The following RORA variants were observed in gnomAD, a reference collection of about 807,000 sequenced individuals.
RORA encodes the protein nuclear receptor ROR-alpha.
Under a neutral mutation model 69.5 loss-of-function variants are expected in RORA, and 7 were observed. The observed-to-expected ratio is 0.10, with a 90% CI of 0.06 to 0.19. The LOEUF is 0.19. Ranked by LOEUF, RORA falls within the 10% of genes least tolerant of loss-of-function variation. The pLI is 1.00. For synonymous variants in RORA, 261 were observed against 240.8 expected, an observed-to-expected ratio of 1.08 and a Z score of -0.78; for missense variants, 457 against 663.0, an observed-to-expected ratio of 0.69 and a Z score of 3.41.
intron 1 of RORA, among the ~76,000 whole-genome samples, chr15:60,964,584 G>A (rs1893499230): frequency 6.6e-6 from 1 of 152,186 alleles, no homozygotes; most frequent in African/African-American, 2.4e-5. Flanking sequence ...AAATACTCCA[G>A]GGCCCTGGGG....
At chr15:61,216,036 A>G (rs1437523030) in intron 1 of RORA, among the ~76,000 whole-genome samples, 2 of 152,226 alleles carry the variant, frequency 1.3e-5, no homozygotes, top group Admixed American at 1.3e-4. Context: ...TATCAAAACT[A>G]AAACATTTCA....
At chr15:61,029,506 T>A (rs1169949189) in intron 1 of RORA, among the ~76,000 whole-genome samples, 1 of 152,116 alleles carries the variant, frequency 6.6e-6, no homozygotes, top group East Asian at 1.9e-4. Context: ...AAAAGATCAT[T>A]CTGGCTAAAG....
At chr15:61,132,161 T>C (rs1030372018) in intron 1 of RORA, among the ~76,000 whole-genome samples, 5 of 152,244 alleles carry the variant, frequency 3.3e-5, no homozygotes, top group Non-Finnish European at 2.9e-5. Context: ...ATGCATGTAA[T>C]CTAGGGGTTT....
chr15:60,714,819 G>T (rs1409154387), intron 1 of RORA, among the ~76,000 whole-genome samples: 1 of 152,096 alleles, frequency 6.6e-6, no homozygotes, highest in Non-Finnish European at 1.5e-5. Flanking sequence ...TTGAAATGTG[G>T]TCTATAAATT....
chr15:61,052,499 C>T (rs897226440), intron 1 of RORA, among the ~76,000 whole-genome samples: 6 of 152,150 alleles, frequency 3.9e-5, no homozygotes, highest in Middle Eastern at 6.8e-3. Context: ...ATGTGTTTTC[C>T]GTAAGAAAGG....
At chr15:61,180,949 T>C (rs1379225897) in intron 1 of RORA, among the ~76,000 whole-genome samples, 2 of 151,832 alleles carry the variant, frequency 1.3e-5, no homozygotes, top group African/African-American at 4.8e-5. Context: ...ACTAAAAATA[T>C]AAAAATTATC....
chr15:60,574,342 A>T (rs1277403816), intron 2 of RORA, among the ~76,000 whole-genome samples: 2 of 152,230 alleles, frequency 1.3e-5, no homozygotes, highest in Non-Finnish European at 2.9e-5. Flanking sequence ...GGCTTAGAAC[A>T]TATATTACTG....
At chr15:60,928,082 T>C (rs1595822387) in intron 1 of RORA, among the ~76,000 whole-genome samples, 1 of 152,112 alleles carries the variant, frequency 6.6e-6, no homozygotes, top group Non-Finnish European at 1.5e-5. Flanking sequence ...CAGGTCACAT[T>C]CCCTGGCACT....
chr15:60,831,764 T>C (rs1273983894), intron 1 of RORA, among the ~76,000 whole-genome samples: 1 of 152,188 alleles, frequency 6.6e-6, no homozygotes, highest in Non-Finnish European at 1.5e-5. Context: ...TTAGTGTCTG[T>C]GTCTGGCCAA....
chr15:61,055,683 A>G (rs873962), intron 1 of RORA, among the ~76,000 whole-genome samples: 81,947 of 152,166 alleles, frequency 0.54, 24,352 homozygotes, highest in Middle Eastern at 0.68. Flanking sequence ...AAATGTGATC[A>G]TCCTGAACTT....
At chr15:61,214,709 C>G (rs929132623) in intron 1 of RORA, among the ~76,000 whole-genome samples, 30 of 151,996 alleles carry the variant, frequency 2.0e-4, no homozygotes, top group African/African-American at 7.3e-5. Context: ...TGGAGATGGA[C>G]CAGGTAAAAG....
At chr15:60,789,354 A>G (rs1227603032) in intron 1 of RORA, among the ~76,000 whole-genome samples, 1 of 152,188 alleles carries the variant, frequency 6.6e-6, no homozygotes, top group African/African-American at 2.4e-5. Context: ...ATACACAAAC[A>G]CTTAATATAT....
chr15:60,873,542 C>T (rs899817973), intron 1 of RORA, among the ~76,000 whole-genome samples: 2 of 151,976 alleles, frequency 1.3e-5, no homozygotes, highest in Admixed American at 6.6e-5. Flanking sequence ...ACAATATGTA[C>T]AGAGGATTTT....
intron 1 of RORA, among the ~76,000 whole-genome samples, chr15:60,752,187 G>A (rs1291046508): frequency 6.6e-6 from 1 of 152,060 alleles, no homozygotes; most frequent in Non-Finnish European, 1.5e-5. Context: ...GCAGAGAGAA[G>A]CGTCTTAGAG....
chr15:60,917,049 G>A (rs1468136863), intron 1 of RORA, among the ~76,000 whole-genome samples: 1 of 152,136 alleles, frequency 6.6e-6, no homozygotes, highest in Non-Finnish European at 1.5e-5. Flanking sequence ...CCGGCTTCCA[G>A]AGCCCAAAAC....
At chr15:60,766,001 C>A (rs1434644360) in intron 1 of RORA, among the ~76,000 whole-genome samples, 3 of 152,120 alleles carry the variant, frequency 2.0e-5, no homozygotes, top group Non-Finnish European at 4.4e-5. Context: ...AAGGAATTCG[C>A]CTGCAGTGTC....
chr15:60,605,291 A>T (rs2068919146), intron 2 of RORA, among the ~76,000 whole-genome samples: 1 of 151,918 alleles, frequency 6.6e-6, no homozygotes, highest in South Asian at 2.1e-4. Flanking sequence ...TACTCTCTGG[A>T]AACAAGATTT....
At chr15:61,033,391 A>C (rs1896275979) in intron 1 of RORA, among the ~76,000 whole-genome samples, 1 of 116,286 alleles carries the variant, frequency 8.6e-6, no homozygotes, top group African/African-American at 3.3e-5. Flanking sequence ...AGAGCCCCAA[A>C]TTTATAGCTT....
At chr15:60,944,164 C>G (rs927597752) in intron 1 of RORA, among the ~76,000 whole-genome samples, 1 of 152,038 alleles carries the variant, frequency 6.6e-6, no homozygotes, top group African/African-American at 2.4e-5. Context: ...ATGAAAAGCA[C>G]CTGGGGAGCT....
Sources: gnomAD v4.1 joint callset for allele counts (sites outside exome capture counted in the v4.1 genomes callset) on GRCh38, gnomAD v4.1.1 for gene constraint, MANE v1.5 for transcripts, NCBI Gene and HGNC (gene_info 2026-07-23, HGNC 2026-07-21) for gene names.